PHACTR3: variants seen among roughly 807,000 people sequenced by gnomAD.
PHACTR3 encodes phosphatase and actin regulator 3.
PHACTR3 carries 16 observed loss-of-function variants against 66.8 expected under a neutral mutation model. The observed-to-expected ratio is 0.24, with a 90% CI of 0.16 to 0.36. The LOEUF (loss-of-function observed/expected upper bound fraction) is 0.36, where lower values mean the gene tolerates loss of function less well. Ranked by LOEUF, PHACTR3 falls within the 10% of genes least tolerant of loss-of-function variation. The pLI is 1.00. For synonymous variants in PHACTR3, 323 were observed against 292.1 expected (o/e 1.11, Z -1.08); for missense variants, 647 against 719.9 (o/e 0.90, Z 1.16).
chr20:59,718,775 T>G (rs561130520), intron 1 of PHACTR3, among the ~76,000 whole-genome samples: 12 of 152,342 alleles, frequency 7.9e-5, no homozygotes, highest in African/African-American at 2.9e-4. Flanking sequence ...AACTTTTCAC[T>G]TTACACGGCT....
intron 1 of PHACTR3, among the ~76,000 whole-genome samples, chr20:59,658,932 C>T (rs1407478579): frequency 1.3e-5 from 2 of 151,418 alleles, no homozygotes; most frequent in Non-Finnish European, 2.9e-5. Flanking sequence ...GCCTTCTATA[C>T]CTGTTTTCAT....
At chr20:59,753,513 G>T (rs2039674949) in intron 3 of PHACTR3, among the ~76,000 whole-genome samples, 1 of 152,140 alleles carries the variant, frequency 6.6e-6, no homozygotes, top group South Asian at 2.1e-4. Context: ...TAGCAGATGG[G>T]CCCAAAGGTG....
intron 4 of PHACTR3, among the ~76,000 whole-genome samples, chr20:59,766,378 T>C (rs563800105): frequency 6.6e-6 from 1 of 152,230 alleles, no homozygotes; most frequent in East Asian, 1.9e-4. Context: ...TCCAGAGAGT[T>C]AAATGGAAAG....
At chr20:59,773,996 A>G (rs2040443672) in intron 6 of PHACTR3, among the ~76,000 whole-genome samples, 1 of 152,246 alleles carries the variant, frequency 6.6e-6, no homozygotes, top group Admixed American at 6.5e-5. Context: ...CTGAACATTG[A>G]TTGCATGTAT....
intron 1 of PHACTR3, among the ~76,000 whole-genome samples, chr20:59,678,642 T>G (rs2036535560): frequency 6.6e-6 from 1 of 152,226 alleles, no homozygotes; most frequent in South Asian, 2.1e-4. Context: ...CTTACCGTGT[T>G]TTGTAATCTG....
intron 1 of PHACTR3, among the ~76,000 whole-genome samples, chr20:59,660,158 T>C (rs2035760884): frequency 2.0e-5 from 3 of 152,184 alleles, no homozygotes; most frequent in Admixed American, 6.5e-5. Flanking sequence ...GTTTCTTGCT[T>C]TACCTCCAGG....
At chr20:59,662,147 C>G (rs1006449267) in intron 1 of PHACTR3, among the ~76,000 whole-genome samples, 3 of 152,148 alleles carry the variant, frequency 2.0e-5, no homozygotes, top group African/African-American at 7.2e-5. Context: ...AGGCACCGCA[C>G]AGGGCACTAG....
chr20:59,734,976 C>T (rs2038897296), intron 1 of PHACTR3, among the ~76,000 whole-genome samples: 1 of 151,978 alleles, frequency 6.6e-6, no homozygotes, highest in African/African-American at 2.4e-5. Flanking sequence ...CCTGGTGGTT[C>T]CAGGTACCTT....
intron 8 of PHACTR3, among the ~76,000 whole-genome samples, chr20:59,819,536 TAA>T (rs1341673476): frequency 1.1e-3 from 141 of 131,332 alleles, no homozygotes; most frequent in Non-Finnish European, 1.2e-3. Context: ...ACCCTGTCGT[TAA>T]AAAAAAAAAA....
At chr20:59,582,641 A>C (rs980556909) in intron 1 of PHACTR3, among the ~76,000 whole-genome samples, 2 of 152,352 alleles carry the variant, frequency 1.3e-5, no homozygotes, top group South Asian at 4.1e-4. Flanking sequence ...TGAAAATTAC[A>C]TTGTTCAATT....
chr20:59,651,689 T>C (rs1568960493), intron 1 of PHACTR3, among the ~76,000 whole-genome samples: 1 of 152,170 alleles, frequency 6.6e-6, no homozygotes, highest in Non-Finnish European at 1.5e-5. Context: ...AATAATGGCA[T>C]AGCCAGACAA....
At chr20:59,621,709 G>A (rs2034246782) in intron 1 of PHACTR3, among the ~76,000 whole-genome samples, 1 of 152,222 alleles carries the variant, frequency 6.6e-6, no homozygotes, top group Admixed American at 6.5e-5. Flanking sequence ...AGGGAGCACA[G>A]GCCACTGGCC....
chr20:59,617,221 C>T (rs2034058527), intron 1 of PHACTR3, among the ~76,000 whole-genome samples: 1 of 152,092 alleles, frequency 6.6e-6, no homozygotes, highest in Non-Finnish European at 1.5e-5. Context: ...TCTAGCACCC[C>T]TCCTCATACC....
At chr20:59,661,073 C>T (rs1223190137) in intron 1 of PHACTR3, among the ~76,000 whole-genome samples, 1 of 152,140 alleles carries the variant, frequency 6.6e-6, no homozygotes, top group African/African-American at 2.4e-5. Context: ...TTAAAGTGGG[C>T]AGTGGATTAT....
intron 1 of PHACTR3, among the ~76,000 whole-genome samples, chr20:59,737,884 G>A (rs2039009297): frequency 1.3e-5 from 2 of 152,166 alleles, no homozygotes; most frequent in African/African-American, 4.8e-5. Context: ...GAGGAGTGCA[G>A]TCTCCTCAGT....
chr20:59,843,832 C>G (rs1214561814), intron 11 of PHACTR3: 2 of 151,862 alleles, frequency 1.3e-5, no homozygotes, highest in Non-Finnish European at 2.9e-5. Context: ...ACAAATGAGA[C>G]TATATTAAAC....
chr20:59,704,643 C>A (rs947704018), intron 1 of PHACTR3, among the ~76,000 whole-genome samples: 1 of 124,844 alleles, frequency 8.0e-6, no homozygotes, highest in Non-Finnish European at 1.7e-5. Context: ...ATACTAAATT[C>A]TCTTTCTGGA....
chr20:59,700,875 G>A (rs1351069760), intron 1 of PHACTR3, among the ~76,000 whole-genome samples: 2 of 152,006 alleles, frequency 1.3e-5, no homozygotes, highest in Non-Finnish European at 2.9e-5. Flanking sequence ...TTGCAGCCTC[G>A]ACCTCCTGGG....
At chr20:59,718,120 TTG>T (rs942137993) in intron 1 of PHACTR3, among the ~76,000 whole-genome samples, 2 of 152,210 alleles carry the variant, frequency 1.3e-5, no homozygotes, top group African/African-American at 4.8e-5. Flanking sequence ...TCCCCAAACC[TTG>T]TCACATGGAA....
Sources: allele counts gnomAD v4.1 joint callset (sites outside exome capture counted in the v4.1 genomes callset), GRCh38; gene constraint gnomAD v4.1.1; transcripts MANE v1.5; gene names NCBI Gene and HGNC (gene_info 2026-07-23, HGNC 2026-07-21).